Variants in TOPORS observed in about 807,000 individuals in gnomAD.
TOPORS encodes the protein E3 ubiquitin-protein ligase Topors.
In TOPORS, 25 loss-of-function variants were observed where a neutral mutation model predicts 81.4. The ratio of observed to expected loss-of-function variants is 0.31; its 90% CI spans 0.22 to 0.43. TOPORS has a LOEUF of 0.43. Ranked by LOEUF, TOPORS falls within the 20% of genes least tolerant of loss-of-function variation. The pLI is 1.00. For missense variants in TOPORS, 1,101 were observed against 1,267.0 expected, an observed-to-expected ratio of 0.87 and a Z score of 1.99; for synonymous variants, 473 against 456.6, an observed-to-expected ratio of 1.04 and a Z score of -0.46.
chr9:32,547,999 A>ATTTTT lies in TOPORS; in HGVS notation c.198+2770_198+2774dup, dbSNP rs747727912. 1.1e-3 allele frequency among the ~76,000 whole-genome samples: 94 copies of ATTTTT among 83,694 alleles called. 1 individual carries two copies. Among genetic ancestry groups the ATTTTT allele is most frequent in the African/African-American group, 2.6e-3 (50 of 19,172 alleles). The allele number at this position is 83,694 out of a possible 152,430, so 54.9% of individuals were successfully genotyped here. On this transcript the variant is annotated intron_variant, in intron 2 of 2. Coordinates refer to ENST00000360538, the MANE Select transcript of TOPORS (RefSeq NM_005802.5). Reference sequence around the variant, plus strand: ...ACAGGCGCCCGCCACCACGCTCGGCATTTTTTTTTTTTTTTTTTTTTTTTG... The same window carrying ATTTTT: ...ACAGGCGCCCGCCACCACGCTCGGCATTTTTTTTTTTTTTTTTTTTTTTTTTTTTG...
chr9:32,551,993 G>C (rs1401676909), intron 1 of TOPORS, among the ~76,000 whole-genome samples: 1 of 152,040 alleles, frequency 6.6e-6, no homozygotes, highest in African/African-American at 2.4e-5. Context: ...GGGGAGGCGT[G>C]GGGGAGGGAG....
rs962905617 is a variant in TOPORS at position 32,543,305 on chromosome 9, T to C, written c.1220A>G (p.Asn407Ser). 1 of 1,614,114 alleles carries C rather than the reference T, an allele frequency of 6.2e-7. No homozygotes were observed. The change falls in exon 3 of 3, where the codon AAT (asparagine) becomes AGT (serine). Residue 407 changes from asparagine to serine, a missense_variant. Coordinates refer to ENST00000360538, the MANE Select transcript of TOPORS (RefSeq NM_005802.5). The surrounding 1 kb of genome is among the most constrained non-coding windows in gnomAD (Gnocchi z 5.6). ...TGGTGCCTGACTAACAGTGGCTACATTAATATCCAGCTCTTGGGTCTCAGC... is the reference window on the plus strand; with the variant it reads ...TGGTGCCTGACTAACAGTGGCTACACTAATATCCAGCTCTTGGGTCTCAGC... ...DEAETQELDI[N>S]VATVSQAPWD...
At position 32,543,468 on chromosome 9, in the gene TOPORS, G is replaced by A. The variant is rs1821101542; in HGVS notation, c.1057C>T (p.His353Tyr). The A allele has an allele frequency of 6.2e-7, 1 of 1,613,694 alleles. No individual in the cohort carries two copies. The change falls in exon 3 of 3, where the codon CAT (histidine) becomes TAT (tyrosine). Residue 353 changes from histidine to tyrosine, a missense_variant. By Grantham distance (83) the His-to-Tyr change is moderately conservative (BLOSUM62 2). Coordinates refer to ENST00000360538, the MANE Select transcript of TOPORS (RefSeq NM_005802.5). The surrounding 1 kb of genome is among the most constrained non-coding windows in gnomAD (Gnocchi z 5.6). ...GATCGGGCAAAACTGATAAATTCAT[G>A]TATAAAATGCTCAGTTCGATTAAGT... ...FLLNRTEHFI[H>Y]EFISFARSPF...
intron 1 of TOPORS, 43 bp from the exon 2 acceptor site, chr9:32,551,011 G>A (rs1228940169): frequency 3.8e-6 from 6 of 1,599,500 alleles, no homozygotes; most frequent in Non-Finnish European, 5.1e-6. Context: ...CTCGGAAGCA[G>A]GGCAGAGAGC....
At chr9:32,549,548 C>T (rs774197926) in intron 2 of TOPORS, among the ~76,000 whole-genome samples, 3 of 152,128 alleles carry the variant, frequency 2.0e-5, no homozygotes, top group Non-Finnish European at 2.9e-5. Context: ...TTCATAAAAA[C>T]CCTTAGCACA....
rs963184758 is a variant in TOPORS, at chr9:32,541,921, C to A, written c.2604G>T (p.Glu868Asp). The A allele has an allele frequency of 6.2e-7, 1 of 1,613,942 alleles. No homozygotes were observed. Among genetic ancestry groups the A allele is most frequent in the Non-Finnish European group, 8.5e-7 (1 of 1,180,008 alleles). ...RKRKTRSLSVEIVYEGKATDT... is the reference protein window; with the variant it reads ...RKRKTRSLSVDIVYEGKATDT... ...CAGTAGCTTTTCCTTCATAAACTAT[C>A]TCTACACTTAGGCTCCGGGTCTTCC... is the stretch of plus-strand genomic sequence containing the variant. Residue 868 changes from glutamate (E) to aspartate (D), a missense_variant, in exon 3 of 3, where the codon GAG (glutamate) becomes GAT (aspartate). Around this residue, in one of 9 missense-constraint regions of TOPORS, gnomAD observed 605 missense variants for 636.1 expected, o/e 0.95. Coordinates refer to ENST00000360538, the MANE Select transcript of TOPORS (RefSeq NM_005802.5).
chr9:32,552,489 G>C lies in TOPORS; in HGVS notation c.-53C>G, dbSNP rs748192940. 1.3e-6 allele frequency: 2 copies of C among 1,580,996 alleles called. No homozygotes were observed. The highest frequency in any genetic ancestry group is 1.8e-5 in the Admixed American group (1 of 55,204). ...CTGGATTTATTCAGTGGTAAGTCCC[G>C]GGGATCGCGGGCCCCCACCGTGTCG... On this transcript the variant is annotated 5_prime_UTR_variant, in exon 1 of 3. Transcript: ENST00000360538.
At chr9:32,545,183 C>T (rs1245363577) in intron 2 of TOPORS, among the ~76,000 whole-genome samples, 2 of 152,154 alleles carry the variant, frequency 1.3e-5, no homozygotes, top group Admixed American at 1.3e-4. Context: ...TATTACTACA[C>T]TATTATATTC....
intron 1 of TOPORS, 94 bp downstream of exon 1, chr9:32,552,340 A>C: frequency 6.5e-7 from 1 of 1,543,318 alleles, no homozygotes; most frequent in Non-Finnish European, 8.8e-7. Context: ...CCCGGCTAAA[A>C]GATGGCTGCT....
chr9:32,541,147 A>G lies in TOPORS; in HGVS notation c.*240T>C. 2.8e-6 allele frequency: 1 copy of G among 351,928 alleles called. No individual in the cohort carries two copies. The highest frequency in any genetic ancestry group is 4.2e-5 in the Admixed American group (1 of 23,616). 21.8% of individuals were successfully genotyped at this position (351,928 alleles called of 1,614,324 possible). On this transcript the variant is annotated 3_prime_UTR_variant, in exon 3 of 3. Transcript: ENST00000360538. ...TTATTTAAAAAGGACCCCAAGTTTT[A>G]AATAAGCTGCTAGCAGTATCATTTT...
rs757527959 is a variant in TOPORS, at chr9:32,541,652, T to A, written c.2873A>T (p.Glu958Val). ...ACATTCCTTGTCCAGCACACCAAAT[T>A]CAGCTTCTATTGTAACTACATCTTT... ...ETKDVVTIEA[E>V]FGVLDKECDI... Residue 958 changes from glutamate (E) to valine (V), a missense_variant, in exon 3 of 3, where the codon GAA becomes GTA. Transcript: ENST00000360538. The A allele has an allele frequency of 4.5e-5, 73 of 1,614,096 alleles. No homozygotes were observed. Among genetic ancestry groups the A allele is most frequent in the Non-Finnish European group, 6.2e-5 (73 of 1,180,046 alleles).
chr9:32,552,492 G>C lies in TOPORS; in HGVS notation c.-56C>G. 1 of 1,580,062 alleles carries C rather than the reference G, an allele frequency of 6.3e-7. No homozygotes were observed. The highest frequency in any genetic ancestry group is 1.1e-5 in the South Asian group (1 of 87,326). On this transcript the variant is annotated 5_prime_UTR_variant, in exon 1 of 3. In the 5' UTR this introduces an upstream ATG that the reference lacks. Transcript: ENST00000360538. The stretch of plus-strand genomic sequence containing the variant: ...GATTTATTCAGTGGTAAGTCCCGGG[G>C]ATCGCGGGCCCCCACCGTGTCGACT...
At chr9:32,551,090 G>C in intron 1 of TOPORS, 122 bp from the exon 2 acceptor site, 1 of 1,227,372 alleles carries the variant, frequency 8.1e-7, no homozygotes. Flanking sequence ...CGCAGCAGAT[G>C]GACGCCGGCC....
In TOPORS at chr9:32,551,029, A is replaced by T. The variant is rs1288209318; in HGVS notation, c.4-61T>A. On this transcript the variant is annotated intron_variant, in intron 1 of 2. Coordinates refer to ENST00000360538, the MANE Select transcript of TOPORS (RefSeq NM_005802.5). ...GGAAGCAGGGCAGAGAGCGAGACCC[A>T]CCCCCCAGCTCCCGCGCATCAAAAC... The T allele has an allele frequency of 3.8e-6, 6 of 1,563,808 alleles. No individual in the cohort carries two copies. In the African/African-American group the frequency reaches 5.4e-5, roughly 14 times the overall value.
rs1250804885 is a variant in TOPORS at position 32,542,970 on chromosome 9, C to CCTG, written c.1552_1554dup (p.Gln518dup). 6.2e-7 allele frequency: 1 copy of CCTG among 1,614,142 alleles called. No homozygotes were observed. Among genetic ancestry groups the CCTG allele is most frequent in the Admixed American group, 1.7e-5 (1 of 60,024 alleles). The stretch of plus-strand genomic sequence containing the variant: ...CTATCACCAGAACTGTAAGATTGCT[C>CCTG]CTGTTCTTGTGTCTTCACTGTCTCC... On this transcript the variant is annotated inframe_insertion, in exon 3 of 3. Coordinates refer to ENST00000360538, the MANE Select transcript of TOPORS (RefSeq NM_005802.5).
intron 1 of TOPORS, chr9:32,551,257 G>A (rs1353202400): frequency 4.0e-5 from 23 of 569,126 alleles, no homozygotes; most frequent in Middle Eastern, 4.7e-4. Context: ...CGGAAAACAC[G>A]AGAACTAGTT....
At chr9:32,547,999 A>AT (rs747727912) in intron 2 of TOPORS, among the ~76,000 whole-genome samples, 4,503 of 83,718 alleles carry the variant, frequency 0.054, 225 homozygotes, top group South Asian at 0.084. Context: ...CACGCTCGGC[A>AT]TTTTTTTTTT....
intron 2 of TOPORS, among the ~76,000 whole-genome samples, chr9:32,549,871 T>C (rs937514498): frequency 6.6e-6 from 1 of 152,130 alleles, no homozygotes; most frequent in Non-Finnish European, 1.5e-5. Flanking sequence ...CAAAAGAAGA[T>C]ACAAAAGTCA....
chr9:32,541,672 A>C lies in TOPORS; in HGVS notation c.2853T>G (p.Asp951Glu). The C allele has an allele frequency of 1.2e-6, 2 of 1,614,214 alleles. No individual in the cohort carries two copies. The highest frequency in any genetic ancestry group is 2.2e-5 in the East Asian group (1 of 44,882). The change falls in exon 3 of 3, where the codon GAT (aspartate) becomes GAG (glutamate). Residue 951 changes from aspartate (D) to glutamate (E), a missense_variant. Coordinates refer to ENST00000360538, the MANE Select transcript of TOPORS (RefSeq NM_005802.5). ...CAAATTCAGCTTCTATTGTAACTAC[A>C]TCTTTAGTTTCAAATGGTTCCAAGG... ...APSLEPFETK[D>E]VVTIEAEFGV...
Sources: gnomAD v4.1 joint callset for allele counts (sites outside exome capture counted in the v4.1 genomes callset) on GRCh38, gnomAD v4.1.1 for gene constraint, gnomAD v4.1.1 regional missense constraint, Gnocchi (gnomAD v3.1) non-coding constraint, MANE v1.5 for transcripts, NCBI Gene and HGNC (gene_info 2026-07-23, HGNC 2026-07-21) for gene names.